Variants in LMOD1 observed in about 807,000 individuals in gnomAD.
LMOD1 encodes leiomodin-1.
LMOD1 carries 8 observed loss-of-function variants against 36.5 expected under a neutral mutation model. That is an observed-to-expected ratio of 0.22 (90% confidence interval 0.13 to 0.40). The LOEUF is 0.40. LMOD1 is among the 10% of genes least tolerant of loss of function. The pLI is 1.00. For missense variants in LMOD1, 630 were observed against 751.1 expected (o/e 0.84, Z 1.88); for synonymous variants, 284 against 288.7 (o/e 0.98, Z 0.17).
At chr1:201,932,965 A>C (rs987099914) in intron 1 of LMOD1, among the ~76,000 whole-genome samples, 3 of 152,240 alleles carry the variant, frequency 2.0e-5, no homozygotes, top group Admixed American at 2.0e-4. Context: ...AACAGAAATG[A>C]AGTCAGAAGT....
In LMOD1 at chr1:201,898,350, G is replaced by A; in HGVS notation, c.*22C>T. On this transcript the variant is annotated 3_prime_UTR_variant, in exon 3 of 3. Coordinates refer to ENST00000367288, the MANE Select transcript of LMOD1 (RefSeq NM_012134.3). ...GGCCTGAGCAGTCATGGCATTGGCA[G>A]ATGGTGCCTGGCAGCCTGGTCCTAC... 6.2e-7 allele frequency: 1 copy of A among 1,611,564 alleles called. No homozygotes were observed. Among genetic ancestry groups the A allele is most frequent in the Non-Finnish European group, 8.5e-7 (1 of 1,178,962 alleles).
chr1:201,901,765 A>G (rs1387582291), intron 1 of LMOD1, among the ~76,000 whole-genome samples: 1 of 145,328 alleles, frequency 6.9e-6, no homozygotes, highest in East Asian at 2.0e-4. Flanking sequence ...TTCTGTGCCC[A>G]AGGTGAGTGC....
At chr1:201,917,694 G>C (rs1049652423) in intron 1 of LMOD1, among the ~76,000 whole-genome samples, 2 of 152,168 alleles carry the variant, frequency 1.3e-5, no homozygotes, top group East Asian at 3.8e-4. Flanking sequence ...AGTACTTTCT[G>C]CTTCTTCATT....
intron 1 of LMOD1, among the ~76,000 whole-genome samples, chr1:201,902,942 C>A (rs1681356102): frequency 6.6e-6 from 1 of 152,150 alleles, no homozygotes; most frequent in Admixed American, 6.5e-5. Context: ...AACTGTGACC[C>A]CAGAGCAACT....
chr1:201,898,202 A>G lies in LMOD1; in HGVS notation c.*170T>C, dbSNP rs1681224930. 4.4e-6 allele frequency: 3 copies of G among 677,452 alleles called. No homozygotes were observed. The highest frequency in any genetic ancestry group is 7.8e-6 in the Non-Finnish European group (3 of 383,894). The allele number at this position is 677,452 out of a possible 1,614,324, so 42.0% of individuals were successfully genotyped here. A position where few individuals can be genotyped will look rare whatever the true frequency, so the allele number is the denominator to read the frequency against. ...CAGAGACAAGAAAAGGAAAGTGAGA[A>G]GAGATAAGGCATCCTTCCTTGAGCG... On this transcript the variant is annotated 3_prime_UTR_variant, in exon 3 of 3. Coordinates refer to ENST00000367288, the MANE Select transcript of LMOD1 (RefSeq NM_012134.3).
Position 201,901,536 on chromosome 1 carries a change from ATATATATATATATATACATATATATATG to A in LMOD1, c.262-813_262-786del, listed in dbSNP as rs1558234627. The stretch of plus-strand genomic sequence containing the variant: ...AATATATATATATATATATGTATAT[ATATATATATATATATACATATATATATG>A]TATATATATATATATATATACATAT... On this transcript the variant is annotated intron_variant, in intron 1 of 2. Transcript: ENST00000367288. Among the ~76,000 whole-genome samples, 107 of 44,550 alleles carry A rather than the reference ATATATATATATATATACATATATATATG, an allele frequency of 2.4e-3. 2 individuals carry two copies. Among genetic ancestry groups the A allele is most frequent in the African/African-American group, 9.6e-3 (100 of 10,422 alleles). The allele number at this position is 44,550 out of a possible 152,430, so 29.2% of individuals were successfully genotyped here.
intron 1 of LMOD1, among the ~76,000 whole-genome samples, chr1:201,912,808 G>A (rs1437802107): frequency 3.3e-5 from 5 of 152,288 alleles, no homozygotes; most frequent in East Asian, 1.9e-4. Context: ...GCAGTGAGCC[G>A]AGATGGCACC....
At chr1:201,940,581 C>G (rs1386029762) in intron 1 of LMOD1, among the ~76,000 whole-genome samples, 1 of 150,150 alleles carries the variant, frequency 6.7e-6, no homozygotes, top group Admixed American at 6.7e-5. Context: ...CTCACTTGCT[C>G]AAAGTCTTTT....
At chr1:201,941,636 C>T (rs965814163) in intron 1 of LMOD1, among the ~76,000 whole-genome samples, 1 of 152,248 alleles carries the variant, frequency 6.6e-6, no homozygotes, top group Non-Finnish European at 1.5e-5. Context: ...CGGGCCTTCC[C>T]GGCCCCGTAG....
intron 1 of LMOD1, among the ~76,000 whole-genome samples, chr1:201,904,468 C>T (rs1301830433): frequency 6.6e-6 from 1 of 152,200 alleles, no homozygotes; most frequent in African/African-American, 2.4e-5. Context: ...CCTCGGCCTC[C>T]CAAAGTGCTG....
chr1:201,941,754 G>A (rs529588306), intron 1 of LMOD1, among the ~76,000 whole-genome samples: 2 of 152,326 alleles, frequency 1.3e-5, no homozygotes, highest in Admixed American at 6.5e-5. Context: ...CCCAGCAGCC[G>A]CTATTAGTAG....
chr1:201,901,692 A>G lies in LMOD1; in HGVS notation c.262-941T>C, dbSNP rs1329532346. 1.7e-3 allele frequency among the ~76,000 whole-genome samples: 227 copies of G among 132,322 alleles called. 6 individuals are homozygous for G. The highest frequency in any genetic ancestry group is 5.4e-3 in the African/African-American group (186 of 34,362). The allele number at this position is 132,322 out of a possible 152,430, so 86.8% of individuals were successfully genotyped here. A position where few individuals can be genotyped will look rare whatever the true frequency, so the allele number is the denominator to read the frequency against. ...TATATATACACATATATATATGTGT[A>G]TATATATATATATGTGAAAACATCA... On this transcript the variant is annotated intron_variant, in intron 1 of 2. Coordinates refer to ENST00000367288, the MANE Select transcript of LMOD1 (RefSeq NM_012134.3).
chr1:201,899,311 G>A lies in LMOD1; in HGVS notation c.1702C>T (p.Pro568Ser), dbSNP rs749592076. ...TCACGGGAGTTCTTCTCCTGGGCAG[G>A]GAGGACTTTGTCTCCCATCTTCCTC... Reference protein sequence around the residue: ...TQRKMGDKVLPAQEKNSRDQL... With the variant: ...TQRKMGDKVLSAQEKNSRDQL... The change falls in exon 2 of 3, where the codon CCT (proline) becomes TCT (serine). Residue 568 changes from proline (P) to serine (S), a missense_variant. Pro to Ser is a moderately conservative substitution (Grantham distance 74). Coordinates refer to ENST00000367288, the MANE Select transcript of LMOD1 (RefSeq NM_012134.3). The surrounding 1 kb of genome is among the most constrained non-coding windows in gnomAD (Gnocchi z 6.3). The A allele has an allele frequency of 1.9e-6, 3 of 1,611,258 alleles. No individual in the cohort carries two copies. Among genetic ancestry groups the A allele is most frequent in the East Asian group, 4.5e-5 (2 of 44,812 alleles).
chr1:201,919,228 T>TG (rs539429658), intron 1 of LMOD1, among the ~76,000 whole-genome samples: 272 of 150,318 alleles, frequency 1.8e-3, no homozygotes, highest in African/African-American at 5.8e-3. Context: ...TTTTTTTTTT[T>TG]GGGGGGTCAG....
rs114058394 is a variant in LMOD1 at position 201,899,111 on chromosome 1, C to T, written c.1776+126G>A. On this transcript the variant is annotated intron_variant, in intron 2 of 2. Transcript: ENST00000367288. This position sits in a 1 kb window ranked among gnomAD's most constrained non-coding sequence, Gnocchi z 6.3. ...GAGATGACCTGAAGTCCCCTATGGG[C>T]CCTGGGAGTCTATATCATCTGCAGC... 18 of 849,150 alleles carry T rather than the reference C, an allele frequency of 2.1e-5. No homozygotes were observed. In the African/African-American group the frequency reaches 2.9e-4, roughly 14 times the overall value. The allele number at this position is 849,150 out of a possible 1,614,324, so 52.6% of individuals were successfully genotyped here.
intron 1 of LMOD1, among the ~76,000 whole-genome samples, chr1:201,901,530 GTATATA>G (rs771599594): frequency 0.085 from 4,267 of 49,990 alleles, 432 homozygotes; most frequent in Middle Eastern, 0.15. Context: ...ATATATATAT[GTATATA>G]TATATATATA....
At chr1:201,922,900 C>G (rs950475175) in intron 1 of LMOD1, among the ~76,000 whole-genome samples, 1 of 152,032 alleles carries the variant, frequency 6.6e-6, no homozygotes, top group South Asian at 2.1e-4. Context: ...TCTCGGCTCA[C>G]TGCAACCTTC....
chr1:201,922,038 A>G (rs145963922), intron 1 of LMOD1, among the ~76,000 whole-genome samples: 16 of 152,306 alleles, frequency 1.1e-4, no homozygotes, highest in African/African-American at 3.8e-4. Context: ...CAAAACCGTG[A>G]TGAGATATAC....
At chr1:201,907,901 C>T (rs1681435428) in intron 1 of LMOD1, among the ~76,000 whole-genome samples, 1 of 152,128 alleles carries the variant, frequency 6.6e-6, no homozygotes. Flanking sequence ...ACAGTCTTGC[C>T]CTCACAACTT....
Sources: gnomAD v4.1 joint callset for allele counts (sites outside exome capture counted in the v4.1 genomes callset) on GRCh38, gnomAD v4.1.1 for gene constraint, Gnocchi (gnomAD v3.1) non-coding constraint, MANE v1.5 for transcripts, NCBI Gene and HGNC (gene_info 2026-07-23, HGNC 2026-07-21) for gene names.